Variants in DPP6 observed in about 807,000 individuals in gnomAD.
DPP6 encodes dipeptidyl peptidase like 6.
DPP6 carries 69 observed loss-of-function variants against 122.6 expected under a neutral mutation model. That is an observed-to-expected ratio of 0.56 (90% CI 0.46 to 0.69). The LOEUF is 0.69. Ranked by LOEUF, DPP6 falls within the 30% of genes least tolerant of loss-of-function variation. The probability of loss-of-function intolerance (pLI) is 0.00; values close to 1 mark genes in which losing one functional copy is unlikely to be tolerated. For synonymous variants in DPP6, 418 were observed against 433.1 expected (o/e 0.97, Z 0.43); for missense variants, 928 against 1,116.9 (o/e 0.83, Z 2.41).
chr7:153,985,551 G>T (rs1230711930), intron 1 of DPP6, among the ~76,000 whole-genome samples: 1 of 152,162 alleles, frequency 6.6e-6, no homozygotes, highest in Non-Finnish European at 1.5e-5. Context: ...TTTTATCTTG[G>T]TGTGGTGGAT....
chr7:154,434,455 C>T (rs1000574995), intron 1 of DPP6, among the ~76,000 whole-genome samples: 2 of 152,084 alleles, frequency 1.3e-5, no homozygotes, highest in African/African-American at 2.4e-5. Context: ...ACCCTTCCCT[C>T]TCTGCTTGCT....
At chr7:154,663,673 T>C (rs1586840290) in intron 6 of DPP6, among the ~76,000 whole-genome samples, 1 of 48,636 alleles carries the variant, frequency 2.1e-5, no homozygotes, top group African/African-American at 3.9e-5. Flanking sequence ...GTTCATATAG[T>C]CATGGTGAAT....
chr7:154,318,664 G>C (rs544518632), intron 1 of DPP6, among the ~76,000 whole-genome samples: 1 of 152,196 alleles, frequency 6.6e-6, no homozygotes, highest in Non-Finnish European at 1.5e-5. Context: ...AGTTGTACCC[G>C]TAAGTTTGGA....
At chr7:154,670,365 C>G (rs1838481636) in intron 7 of DPP6, among the ~76,000 whole-genome samples, 1 of 152,194 alleles carries the variant, frequency 6.6e-6, no homozygotes, top group Non-Finnish European at 1.5e-5. Flanking sequence ...AACACTATTT[C>G]TAAGATGAGG....
intron 7 of DPP6, among the ~76,000 whole-genome samples, chr7:154,711,045 C>A (rs1331641461): frequency 2.0e-5 from 3 of 152,074 alleles, no homozygotes; most frequent in Admixed American, 2.0e-4. Flanking sequence ...TCAAGAGAAG[C>A]CGTGGAATAG....
chr7:154,571,134 A>G (rs1411441928), intron 5 of DPP6, among the ~76,000 whole-genome samples: 1 of 152,220 alleles, frequency 6.6e-6, no homozygotes, highest in Non-Finnish European at 1.5e-5. Flanking sequence ...TAAGTTAGAC[A>G]TTGGAGAAAT....
chr7:153,749,755 T>G, the DPP6 span, among the ~76,000 whole-genome samples: 2 of 152,310 alleles, frequency 1.3e-5, no homozygotes, highest in South Asian at 4.2e-4. The surrounding 1 kb of genome is among the most constrained non-coding windows in gnomAD (Gnocchi z 4.1). Flanking sequence ...CCGCTTAGGT[T>G]GTGATGAATT....
At chr7:154,577,335 C>T (rs1285083101) in intron 5 of DPP6, among the ~76,000 whole-genome samples, 1 of 152,128 alleles carries the variant, frequency 6.6e-6, no homozygotes, top group Non-Finnish European at 1.5e-5. Context: ...AGAGCCAGGC[C>T]TGTGCAGGTG....
At chr7:153,821,957 C>A in the DPP6 span, among the ~76,000 whole-genome samples, 1 of 152,110 alleles carries the variant, frequency 6.6e-6, no homozygotes, top group Non-Finnish European at 1.5e-5. Context: ...GGACCTACAG[C>A]GCAAGCCTCT....
At chr7:154,646,327 C>T (rs374620877) in intron 6 of DPP6, among the ~76,000 whole-genome samples, 1 of 152,160 alleles carries the variant, frequency 6.6e-6, no homozygotes, top group South Asian at 2.1e-4. Context: ...AATCACATCA[C>T]GCAATGTGTC....
At chr7:153,857,322 T>TTCTCTCTCTCTCTCTCTCTCTCTCTCTC in the DPP6 span, among the ~76,000 whole-genome samples, 129 of 124,456 alleles carry the variant, frequency 1.0e-3, 6 homozygotes, top group Non-Finnish European at 1.7e-3. Flanking sequence ...CTCAAAGGTT[T>TTCTCTCTCTCTCTCTCTCTCTCTCTCTC]TCTCTCTCTC....
intron 1 of DPP6, among the ~76,000 whole-genome samples, chr7:153,955,384 A>G (rs1802412451): frequency 6.6e-6 from 1 of 152,138 alleles, no homozygotes; most frequent in South Asian, 2.1e-4. Flanking sequence ...TATATGTGTT[A>G]CCTTATTTAA....
intron 1 of DPP6, among the ~76,000 whole-genome samples, chr7:154,156,677 C>T (rs905030649): frequency 3.9e-5 from 6 of 152,186 alleles, no homozygotes; most frequent in Non-Finnish European, 8.8e-5. Context: ...AATGTCTTTC[C>T]TGATCAATAC....
intron 1 of DPP6, among the ~76,000 whole-genome samples, chr7:154,086,936 A>G (rs916552293): frequency 6.6e-6 from 1 of 152,180 alleles, no homozygotes; most frequent in Admixed American, 6.5e-5. Flanking sequence ...GATCTGTTAA[A>G]TATCTCACCC....
At chr7:154,749,037 G>C (rs1843180993) in intron 8 of DPP6, among the ~76,000 whole-genome samples, 1 of 151,388 alleles carries the variant, frequency 6.6e-6, no homozygotes, top group South Asian at 2.1e-4. Context: ...AGGGATGGAG[G>C]CTTTACTGAG....
chr7:154,160,933 G>A (rs1031468774), intron 1 of DPP6, among the ~76,000 whole-genome samples: 9 of 152,094 alleles, frequency 5.9e-5, no homozygotes, highest in African/African-American at 2.2e-4. Context: ...CCATTCTTTT[G>A]GGGGTGACTG....
chr7:153,815,043 T>C, the DPP6 span, among the ~76,000 whole-genome samples: 12 of 152,184 alleles, frequency 7.9e-5, no homozygotes, highest in African/African-American at 1.2e-4. Flanking sequence ...CTTTGAAAAC[T>C]GGCACAAGAC....
intron 7 of DPP6, among the ~76,000 whole-genome samples, chr7:154,683,597 G>A (rs1337178247): frequency 6.6e-6 from 1 of 152,048 alleles, no homozygotes; most frequent in Non-Finnish European, 1.5e-5. Flanking sequence ...CTCTCACTGA[G>A]TGATCTAAAA....
chr7:154,627,841 A>G (rs1032937859), intron 5 of DPP6, among the ~76,000 whole-genome samples: 1 of 152,188 alleles, frequency 6.6e-6, no homozygotes, highest in Non-Finnish European at 1.5e-5. Context: ...GTCTGACGCC[A>G]TGGAGGGATG....
Sources: allele counts gnomAD v4.1 joint callset (sites outside exome capture counted in the v4.1 genomes callset), GRCh38; gene constraint gnomAD v4.1.1; non-coding constraint Gnocchi (gnomAD v3.1); transcripts MANE v1.5; gene names NCBI Gene and HGNC (gene_info 2026-07-23, HGNC 2026-07-21).